WWOX: variants seen among roughly 807,000 people sequenced by gnomAD.
The protein encoded by WWOX is WW domain-containing oxidoreductase.
WWOX carries 69 observed loss-of-function variants against 46.2 expected under a neutral mutation model. The ratio of observed to expected loss-of-function variants is 1.49; its 90% CI spans 1.23 to 1.82. The LOEUF is 1.82. Among genes scored for constraint, WWOX ranks in the 40% most tolerant of loss-of-function variants. The pLI, the probability that WWOX is intolerant of heterozygous loss-of-function variation, is 0.00. For synonymous variants in WWOX, 359 were observed against 202.6 expected, an observed-to-expected ratio of 1.77 and a Z score of -6.56; for missense variants, 919 against 542.6, an observed-to-expected ratio of 1.69 and a Z score of -6.89.
intron 8 of WWOX, among the ~76,000 whole-genome samples, chr16:78,779,863 G>A (rs965894356): frequency 1.3e-5 from 2 of 152,120 alleles, no homozygotes; most frequent in African/African-American, 4.8e-5. Context: ...GGGACTGGGT[G>A]GATGTAACAC....
chr16:78,650,165 A>G (rs543374731), intron 8 of WWOX, among the ~76,000 whole-genome samples: 1 of 152,238 alleles, frequency 6.6e-6, no homozygotes, highest in East Asian at 1.9e-4. Context: ...AAAATAAAAA[A>G]GAGTGTTTGG....
At chr16:78,950,458 A>C (rs563975424) in intron 8 of WWOX, among the ~76,000 whole-genome samples, 2 of 152,034 alleles carry the variant, frequency 1.3e-5, no homozygotes, top group South Asian at 4.2e-4. Context: ...TGGAAAGCTA[A>C]GTTACAGCAG....
intron 8 of WWOX, among the ~76,000 whole-genome samples, chr16:79,125,393 G>A (rs1375907175): frequency 6.6e-6 from 1 of 152,200 alleles, no homozygotes; most frequent in Non-Finnish European, 1.5e-5. Flanking sequence ...GAGAATTTGG[G>A]ATGTGCAAAA....
At chr16:78,870,682 A>G (rs970331243) in intron 8 of WWOX, among the ~76,000 whole-genome samples, 1 of 151,690 alleles carries the variant, frequency 6.6e-6, no homozygotes, top group Non-Finnish European at 1.5e-5. Flanking sequence ...CCTCACGGCA[A>G]CCTCTGCCTC....
At chr16:78,625,555 C>G (rs1334826383) in intron 8 of WWOX, among the ~76,000 whole-genome samples, 1 of 151,808 alleles carries the variant, frequency 6.6e-6, no homozygotes, top group African/African-American at 2.4e-5. Flanking sequence ...GCCAGTTTAT[C>G]CTATTATTTT....
At chr16:78,657,995 C>G (rs2047119933) in intron 8 of WWOX, among the ~76,000 whole-genome samples, 1 of 151,974 alleles carries the variant, frequency 6.6e-6, no homozygotes, top group African/African-American at 2.4e-5. Flanking sequence ...TTCACTTTAT[C>G]CTGGAGTTTC....
intron 5 of WWOX, among the ~76,000 whole-genome samples, chr16:78,242,035 A>T (rs1479871441): frequency 1.3e-5 from 2 of 152,152 alleles, no homozygotes; most frequent in Non-Finnish European, 2.9e-5. Context: ...TTGACTGAAA[A>T]ATACAGCTCT....
At chr16:79,109,463 G>T (rs997580472) in intron 8 of WWOX, among the ~76,000 whole-genome samples, 3 of 152,130 alleles carry the variant, frequency 2.0e-5, no homozygotes, top group Admixed American at 6.5e-5. Flanking sequence ...AGAGAGCCGG[G>T]CAGGTTGGTT....
At chr16:78,843,375 G>C (rs917558845) in intron 8 of WWOX, among the ~76,000 whole-genome samples, 3 of 150,024 alleles carry the variant, frequency 2.0e-5, no homozygotes, top group Non-Finnish European at 3.0e-5. Context: ...GATTATTGTG[G>C]TGCCTGTTTT....
chr16:78,874,453 C>G (rs1007442317), intron 8 of WWOX, among the ~76,000 whole-genome samples: 3 of 152,026 alleles, frequency 2.0e-5, no homozygotes, highest in African/African-American at 7.2e-5. Flanking sequence ...CTACCTCCAA[C>G]TGGGTCGATT....
chr16:78,564,506 A>G (rs1249276535), intron 8 of WWOX, among the ~76,000 whole-genome samples: 1 of 152,214 alleles, frequency 6.6e-6, no homozygotes, highest in Non-Finnish European at 1.5e-5. Context: ...AGGTGGCAGG[A>G]TCTAATGGGA....
intron 8 of WWOX, among the ~76,000 whole-genome samples, chr16:78,529,396 A>G (rs985042663): frequency 3.3e-5 from 5 of 151,242 alleles, no homozygotes; most frequent in East Asian, 1.9e-4. Context: ...GTTTTGTTCT[A>G]TTTTCTGGTT....
At position 78,509,370 on chromosome 16, in the gene WWOX, C is replaced by T. The variant is rs13331264; in HGVS notation, c.1056+76618C>T. Reference sequence around the variant, plus strand: ...CAGGAACTCGCTTGAACCCGGGAGGCGGAGGCTGCAGTGAGCTGAGTTTGC... The same window carrying T: ...CAGGAACTCGCTTGAACCCGGGAGGTGGAGGCTGCAGTGAGCTGAGTTTGC... On this transcript the variant is annotated intron_variant, in intron 8 of 8. Transcript: ENST00000566780. Among the ~76,000 whole-genome samples the T allele has an allele frequency of 7.5e-3, 1,140 of 151,660 alleles. 14 individuals are homozygous for T. The highest frequency in any genetic ancestry group is 0.023 in the African/African-American group (964 of 41,266).
chr16:78,631,081 G>A (rs191138201), intron 8 of WWOX, among the ~76,000 whole-genome samples: 2 of 152,088 alleles, frequency 1.3e-5, no homozygotes, highest in Non-Finnish European at 2.9e-5. Context: ...GATTTAAAGT[G>A]TACAGGAGCA....
chr16:79,104,381 T>A (rs1246826271), intron 8 of WWOX, among the ~76,000 whole-genome samples: 1 of 152,176 alleles, frequency 6.6e-6, no homozygotes, highest in African/African-American at 2.4e-5. Flanking sequence ...TACATCAAAG[T>A]TGAAAGAATT....
intron 8 of WWOX, among the ~76,000 whole-genome samples, chr16:78,871,009 A>G (rs1457458061): frequency 6.6e-6 from 1 of 152,166 alleles, no homozygotes; most frequent in Non-Finnish European, 1.5e-5. Context: ...GACTCTGCTT[A>G]TGGTTAATTC....
intron 8 of WWOX, among the ~76,000 whole-genome samples, chr16:78,983,269 G>T (rs1374096317): frequency 5.9e-5 from 9 of 152,202 alleles, no homozygotes; most frequent in Admixed American, 5.9e-4. Flanking sequence ...CTGAAGAAAG[G>T]AAGTGTCTGG....
At chr16:78,679,539 A>G (rs892613861) in intron 8 of WWOX, among the ~76,000 whole-genome samples, 21 of 152,156 alleles carry the variant, frequency 1.4e-4, no homozygotes, top group African/African-American at 4.1e-4. Context: ...TGACAGAGTG[A>G]GACTCCATCT....
chr16:78,705,712 T>A (rs1327972498), intron 8 of WWOX, among the ~76,000 whole-genome samples: 1 of 152,256 alleles, frequency 6.6e-6, no homozygotes, highest in Non-Finnish European at 1.5e-5. Flanking sequence ...TTACTTCCTT[T>A]TCTATGCCTT....
Sources: allele counts gnomAD v4.1 joint callset (sites outside exome capture counted in the v4.1 genomes callset), GRCh38; gene constraint gnomAD v4.1.1; transcripts MANE v1.5; gene names NCBI Gene and HGNC (gene_info 2026-07-23, HGNC 2026-07-21).